CDH13: variants seen among roughly 807,000 people sequenced by gnomAD.
CDH13 encodes cadherin 13.
A neutral mutation model predicts 63.8 loss-of-function variants in CDH13; 24 were observed. The ratio of observed to expected loss-of-function variants is 0.38; its 90% CI spans 0.27 to 0.53. The LOEUF (loss-of-function observed/expected upper bound fraction) is 0.53. CDH13 is among the 20% of genes least tolerant of loss of function. The pLI, the probability that CDH13 is intolerant of heterozygous loss-of-function variation, is 0.85. For synonymous variants in CDH13, 503 were observed against 355.3 expected, an observed-to-expected ratio of 1.42 and a Z score of -4.67; for missense variants, 1,049 against 903.1, an observed-to-expected ratio of 1.16 and a Z score of -2.07.
chr16:83,544,244 T>A (rs1477646180), intron 7 of CDH13, among the ~76,000 whole-genome samples: 5 of 151,880 alleles, frequency 3.3e-5, no homozygotes, highest in Non-Finnish European at 5.9e-5. Flanking sequence ...TAGGGTGGAG[T>A]GTTAAAGTCC....
intron 7 of CDH13, among the ~76,000 whole-genome samples, chr16:83,507,389 A>C (rs550974494): frequency 1.3e-5 from 2 of 152,212 alleles, no homozygotes; most frequent in African/African-American, 4.8e-5. Flanking sequence ...GGGGAAATTT[A>C]AACCAAATAC....
intron 1 of CDH13, among the ~76,000 whole-genome samples, chr16:82,792,679 G>C (rs4783273): frequency 1.3e-5 from 2 of 152,320 alleles, no homozygotes; most frequent in Non-Finnish European, 2.9e-5. Context: ...GCTGAATTCG[G>C]TACATGGCTC....
intron 1 of CDH13, among the ~76,000 whole-genome samples, chr16:82,784,459 C>G (rs759137656): frequency 1.3e-5 from 2 of 152,152 alleles, no homozygotes; most frequent in Non-Finnish European, 2.9e-5. Flanking sequence ...ATGCTCTCCC[C>G]CACACCCTGC....
intron 2 of CDH13, among the ~76,000 whole-genome samples, chr16:83,024,830 T>G (rs1251251635): frequency 6.6e-6 from 1 of 152,200 alleles, no homozygotes; most frequent in Non-Finnish European, 1.5e-5. Context: ...TTTCACTCCT[T>G]TAATATCGTT....
At chr16:83,068,339 A>G (rs997889787) in intron 3 of CDH13, among the ~76,000 whole-genome samples, 35 of 152,268 alleles carry the variant, frequency 2.3e-4, no homozygotes, top group African/African-American at 7.5e-4. Context: ...AGGCTTATGG[A>G]GGAAAACTGA....
chr16:82,972,375 T>C (rs181993396), intron 2 of CDH13, among the ~76,000 whole-genome samples: 1 of 152,304 alleles, frequency 6.6e-6, no homozygotes, highest in African/African-American at 2.4e-5. Flanking sequence ...TTTTGTTCAT[T>C]CCATTTCTGC....
intron 7 of CDH13, among the ~76,000 whole-genome samples, chr16:83,570,447 G>T (rs1031053362): frequency 6.6e-6 from 1 of 151,966 alleles, no homozygotes; most frequent in Non-Finnish European, 1.5e-5. Flanking sequence ...TCTGAGTTCT[G>T]ATCATGTTCC....
intron 1 of CDH13, among the ~76,000 whole-genome samples, chr16:82,746,725 A>T (rs775103002): frequency 2.3e-4 from 35 of 152,266 alleles, no homozygotes; most frequent in Admixed American, 8.5e-4. Context: ...AAAAATTCCC[A>T]AACTGATTTC....
intron 5 of CDH13, among the ~76,000 whole-genome samples, chr16:83,332,371 T>C (rs2090498941): frequency 6.6e-6 from 1 of 152,172 alleles, no homozygotes; most frequent in African/African-American, 2.4e-5. Flanking sequence ...GACTATACTT[T>C]AAATTTGTAT....
rs544297906 is a variant in CDH13, at chr16:83,511,394, C to T, written c.960+24739C>T. ...GGAAGATTGCTTGAACCAGGGAGGC[C>T]AAGGTTGCAGTGAGCTGAGATCACG... On this transcript the variant is annotated intron_variant, in intron 7 of 13. Transcript: ENST00000567109. 5.5e-4 allele frequency among the ~76,000 whole-genome samples: 83 copies of T among 151,472 alleles called. 1 individual carries two copies. Among genetic ancestry groups the T allele is most frequent in the Non-Finnish European group, 9.1e-4 (62 of 67,914 alleles).
chr16:83,247,853 G>C (rs371566453), intron 5 of CDH13, among the ~76,000 whole-genome samples: 1 of 152,162 alleles, frequency 6.6e-6, no homozygotes, highest in Non-Finnish European at 1.5e-5. Flanking sequence ...CAGAGGCACA[G>C]AACAAAATGT....
chr16:83,689,813 C>G (rs1904666270), intron 10 of CDH13, among the ~76,000 whole-genome samples: 1 of 152,208 alleles, frequency 6.6e-6, no homozygotes, highest in Admixed American at 6.5e-5. Flanking sequence ...ACCTCTCTCT[C>G]CATTCATTCA....
At chr16:83,149,887 G>T (rs962390847) in intron 4 of CDH13, among the ~76,000 whole-genome samples, 5 of 152,200 alleles carry the variant, frequency 3.3e-5, no homozygotes, top group Admixed American at 1.3e-4. Context: ...TACAAGTCAG[G>T]TCTTTTTTTC....
At chr16:82,996,732 G>C (rs1022345270) in intron 2 of CDH13, among the ~76,000 whole-genome samples, 3 of 152,106 alleles carry the variant, frequency 2.0e-5, no homozygotes, top group African/African-American at 4.8e-5. Flanking sequence ...GATGATGGTA[G>C]TGATGATGAT....
intron 2 of CDH13, among the ~76,000 whole-genome samples, chr16:82,962,286 A>G (rs1285408914): frequency 6.6e-6 from 1 of 152,264 alleles, no homozygotes; most frequent in Admixed American, 6.5e-5. Context: ...CCCCAAGCCA[A>G]GGATTCCCAG....
chr16:83,413,294 C>T (rs1281421562), intron 6 of CDH13, among the ~76,000 whole-genome samples: 3 of 152,160 alleles, frequency 2.0e-5, no homozygotes, highest in African/African-American at 7.2e-5. Flanking sequence ...ATCTCACAAT[C>T]AATGATATTT....
At chr16:83,439,543 C>G (rs761237334) in intron 6 of CDH13, among the ~76,000 whole-genome samples, 2 of 152,174 alleles carry the variant, frequency 1.3e-5, no homozygotes, top group Non-Finnish European at 2.9e-5. Flanking sequence ...AGTGCTAAAT[C>G]TCATCTTTAG....
At chr16:83,697,617 A>C (rs764272162) in intron 10 of CDH13, among the ~76,000 whole-genome samples, 1 of 152,214 alleles carries the variant, frequency 6.6e-6, no homozygotes, top group Non-Finnish European at 1.5e-5. Context: ...TTGTGACCAG[A>C]GGCTTGAGGA....
chr16:83,545,090 C>G (rs1240061363), intron 7 of CDH13, among the ~76,000 whole-genome samples: 1 of 152,188 alleles, frequency 6.6e-6, no homozygotes, highest in East Asian at 1.9e-4. Flanking sequence ...AAATAACTCA[C>G]AAGCCCATTG....
Sources: allele counts gnomAD v4.1 joint callset (sites outside exome capture counted in the v4.1 genomes callset), GRCh38; gene constraint gnomAD v4.1.1; transcripts MANE v1.5; gene names NCBI Gene and HGNC (gene_info 2026-07-23, HGNC 2026-07-21).